TADA2A: variants seen among roughly 807,000 people sequenced by gnomAD.
TADA2A encodes the protein transcriptional adaptor 2A, also known as transcriptional adapter 2-alpha.
In TADA2A, 38 loss-of-function variants were observed where a neutral mutation model predicts 67.4. The observed-to-expected ratio is 0.56, with a 90% CI of 0.44 to 0.74. The LOEUF (loss-of-function observed/expected upper bound fraction) is 0.74. Among genes scored for constraint, TADA2A ranks in the 30% least tolerant of loss-of-function variants. TADA2A has a pLI of 0.00. For synonymous variants in TADA2A, 192 were observed against 181.6 expected, an observed-to-expected ratio of 1.06 and a Z score of -0.46; for missense variants, 454 against 547.0, an observed-to-expected ratio of 0.83 and a Z score of 1.70.
In TADA2A at chr17:37,477,219, T is replaced by C; in HGVS notation, c.*237T>C. The C allele has an allele frequency of 4.7e-6, 2 of 427,852 alleles. No individual in the cohort carries two copies. The allele number at this position is 427,852 out of a possible 1,614,324, so 26.5% of individuals were successfully genotyped here. A position where few individuals can be genotyped will look rare whatever the true frequency, so the allele number is the denominator to read the frequency against. On this transcript the variant is annotated 3_prime_UTR_variant, in exon 16 of 16. Coordinates refer to ENST00000615182, the MANE Select transcript of TADA2A (RefSeq NM_001166105.3). ...GTGCTACATAAGCTATTATTAAATG[T>C]GAGTGGGCATTCATTCCTAACACCT... is the stretch of plus-strand genomic sequence containing the variant.
chr17:37,472,476 A>G (rs2053810118), intron 14 of TADA2A, among the ~76,000 whole-genome samples: 1 of 152,108 alleles, frequency 6.6e-6, no homozygotes, highest in Non-Finnish European at 1.5e-5. Context: ...AAGACAGTGA[A>G]ATCAAAGTTT....
chr17:37,439,278 TTTATTA>T (rs879518977), intron 5 of TADA2A, among the ~76,000 whole-genome samples: 2 of 151,696 alleles, frequency 1.3e-5, no homozygotes, highest in African/African-American at 2.4e-5. Context: ...ATTTTTAAAT[TTTATTA>T]TTATTATTAT....
intron 3 of TADA2A, among the ~76,000 whole-genome samples, chr17:37,425,152 TTA>T (rs931359755): frequency 6.6e-6 from 1 of 152,216 alleles, no homozygotes; most frequent in African/African-American, 2.4e-5. Flanking sequence ...AGTGCTGGGA[TTA>T]CAGGCGTGAG....
chr17:37,443,407 C>T (rs1164502785), intron 7 of TADA2A, among the ~76,000 whole-genome samples: 3 of 152,142 alleles, frequency 2.0e-5, no homozygotes, highest in African/African-American at 7.2e-5. Flanking sequence ...GTTCCTGCCA[C>T]CATGCCTGGC....
Position 37,421,027 on chromosome 17 carries a change from C to T in TADA2A, c.26-2482C>T, listed in dbSNP as rs569554807. ...GTCTTCATAGTTTGGAGACATACCACTGTCATTGGAGTAGAAGATCTGCTG... is the reference window on the plus strand; with the variant it reads ...GTCTTCATAGTTTGGAGACATACCATTGTCATTGGAGTAGAAGATCTGCTG... On this transcript the variant is annotated intron_variant, in intron 2 of 15. Coordinates refer to ENST00000615182, the MANE Select transcript of TADA2A (RefSeq NM_001166105.3). 3.4e-5 allele frequency among the ~76,000 whole-genome samples: 5 copies of T among 146,822 alleles called. 2 individuals are homozygous for T. In the South Asian group the frequency reaches 1.1e-3, roughly 33 times the overall value.
chr17:37,456,320 AC>A (rs1272669722), intron 8 of TADA2A, among the ~76,000 whole-genome samples: 2 of 152,342 alleles, frequency 1.3e-5, no homozygotes, highest in Non-Finnish European at 2.9e-5. Flanking sequence ...CAAGGGAATT[AC>A]ACCATTACAT....
At chr17:37,442,515 C>T (rs761451484) in intron 6 of TADA2A, 49 bp from the exon 7 acceptor site, 1 of 1,397,376 alleles carries the variant, frequency 7.2e-7, no homozygotes, top group Admixed American at 2.0e-5. Context: ...TCATTTTTTT[C>T]ATGCCAATAT....
At chr17:37,443,246 G>A (rs532073190) in intron 7 of TADA2A, among the ~76,000 whole-genome samples, 1 of 151,010 alleles carries the variant, frequency 6.6e-6, no homozygotes, top group African/African-American at 2.4e-5. Flanking sequence ...AATTCCTATA[G>A]TCTGGTTCTT....
intron 2 of TADA2A, among the ~76,000 whole-genome samples, chr17:37,418,088 A>G (rs2052108183): frequency 6.6e-6 from 1 of 152,216 alleles, no homozygotes; most frequent in Non-Finnish European, 1.5e-5. Flanking sequence ...ACCACAAGCT[A>G]GAATAACTAA....
intron 8 of TADA2A, chr17:37,454,083 G>A (rs1386815402): frequency 6.6e-6 from 1 of 151,544 alleles, no homozygotes; most frequent in African/African-American, 2.4e-5. Context: ...TGAAAGAACT[G>A]ATTCTAATAC....
At chr17:37,462,996 A>G (rs1425219098) in intron 10 of TADA2A, among the ~76,000 whole-genome samples, 1 of 152,134 alleles carries the variant, frequency 6.6e-6, no homozygotes, top group African/African-American at 2.4e-5. Context: ...TTTAAGAGAC[A>G]GGTTCTTGCA....
chr17:37,471,532 G>A (rs1265598107), intron 14 of TADA2A, among the ~76,000 whole-genome samples: 1 of 152,052 alleles, frequency 6.6e-6, no homozygotes, highest in East Asian at 1.9e-4. Context: ...TTTTGAGACA[G>A]AGTCTCGGTC....
At chr17:37,430,716 T>C (rs897143679) in intron 4 of TADA2A, among the ~76,000 whole-genome samples, 3 of 152,200 alleles carry the variant, frequency 2.0e-5, no homozygotes, top group Admixed American at 6.5e-5. Flanking sequence ...TAATATTAAT[T>C]CAACTTTTTG....
At chr17:37,435,407 G>A (rs1254391997) in intron 4 of TADA2A, among the ~76,000 whole-genome samples, 1 of 152,058 alleles carries the variant, frequency 6.6e-6, no homozygotes, top group Admixed American at 6.6e-5. Context: ...TCCTGCCTCA[G>A]CCTCCCGAGC....
intron 9 of TADA2A, among the ~76,000 whole-genome samples, chr17:37,459,512 A>T (rs1358985525): frequency 1.3e-5 from 2 of 150,238 alleles, no homozygotes; most frequent in African/African-American, 4.9e-5. Context: ...TGAACTCCCC[A>T]CCTTAAGTGA....
intron 3 of TADA2A, among the ~76,000 whole-genome samples, chr17:37,424,023 C>T (rs1268705244): frequency 6.6e-6 from 1 of 152,088 alleles, no homozygotes; most frequent in East Asian, 1.9e-4. Context: ...TCTGGGATTA[C>T]AGGCGTGAGC....
At position 37,470,552 on chromosome 17, in the gene TADA2A, T is replaced by G; in HGVS notation, c.1028+20T>G. ...TGACATGTGAGTAATTACTCCAGGG[T>G]GAAGGAGGCATTCTTTCTGGGATGC... On this transcript the variant is annotated intron_variant, in intron 13 of 15. Coordinates refer to ENST00000615182, the MANE Select transcript of TADA2A (RefSeq NM_001166105.3). 1 of 1,506,432 alleles carries G rather than the reference T, an allele frequency of 6.6e-7. No homozygotes were observed. The highest frequency in any genetic ancestry group is 8.8e-7 in the Non-Finnish European group (1 of 1,130,876). The allele number at this position is 1,506,432 out of a possible 1,614,324, so 93.3% of individuals were successfully genotyped here.
intron 4 of TADA2A, among the ~76,000 whole-genome samples, chr17:37,432,090 G>T (rs1385204679): frequency 1.3e-5 from 2 of 151,736 alleles, no homozygotes; most frequent in African/African-American, 2.4e-5. Flanking sequence ...GCATATTCTA[G>T]AACTGCATAT....
chr17:37,454,822 A>G, intron 8 of TADA2A: 1 of 237,744 alleles, frequency 4.2e-6, no homozygotes. Context: ...CTAAGGAAGC[A>G]AAAAAGGCTA....
Sources: gnomAD v4.1 joint callset for allele counts (sites outside exome capture counted in the v4.1 genomes callset) on GRCh38, gnomAD v4.1.1 for gene constraint, MANE v1.5 for transcripts, NCBI Gene and HGNC (gene_info 2026-07-23, HGNC 2026-07-21) for gene names.